Variants in RGS6 observed in about 807,000 individuals in gnomAD.
The protein encoded by RGS6 is regulator of G protein signaling 6.
In RGS6, 30 loss-of-function variants were observed where a neutral mutation model predicts 78.5. The observed-to-expected ratio is 0.38, with a 90% CI of 0.29 to 0.52. The LOEUF (loss-of-function observed/expected upper bound fraction) is 0.52, where lower values mean the gene tolerates loss of function less well. Ranked by LOEUF, RGS6 falls within the 20% of genes least tolerant of loss-of-function variation. The pLI, the probability that RGS6 is intolerant of heterozygous loss-of-function variation, is 0.85. For missense variants in RGS6, 495 were observed against 609.7 expected (o/e 0.81, Z 1.98); for synonymous variants, 206 against 206.0 (o/e 1.00, Z 0.00).
In RGS6 at chr14:71,987,835, A is replaced by G. The variant is rs182359782; in HGVS notation, c.84+22960A>G. On this transcript the variant is annotated intron_variant, in intron 2 of 17. Coordinates refer to ENST00000553525, the MANE Select transcript of RGS6 (RefSeq NM_001204424.2). Reference sequence around the variant, plus strand: ...CCATGCTTGAACTATATTTTAAAAAAATATTAATTATGATACTAAACAATA... The same window carrying G: ...CCATGCTTGAACTATATTTTAAAAAGATATTAATTATGATACTAAACAATA... Among the ~76,000 whole-genome samples the G allele has an allele frequency of 9.8e-5, 15 of 152,332 alleles. No homozygotes were observed. In the East Asian group the frequency reaches 2.9e-3, roughly 29 times the overall value.
At chr14:72,319,989 C>G (rs1490726758) in intron 2 of RGS6, among the ~76,000 whole-genome samples, 1 of 152,148 alleles carries the variant, frequency 6.6e-6, no homozygotes, top group Admixed American at 6.5e-5. Flanking sequence ...CAATACTACT[C>G]TGTATTATAG....
chr14:72,470,042 G>A lies in RGS6; in HGVS notation c.495G>A (p.Arg165=). 1.2e-6 allele frequency: 2 copies of A among 1,613,706 alleles called. No homozygotes were observed. Among genetic ancestry groups the A allele is most frequent in the Non-Finnish European group, 8.5e-7 (1 of 1,179,876 alleles). Residue 165 remains arginine (R), a synonymous_variant, in exon 8 of 18, where the codon AGG becomes AGA. Coordinates refer to ENST00000553525, the MANE Select transcript of RGS6 (RefSeq NM_001204424.2). ...CAAGACTCCAGAGGGCCTTTGCGAG[G>A]AAGTGGGAATTCATCTTTATGCAAG... is the stretch of plus-strand genomic sequence containing the variant. ...NLARLQRAFA[R]KWEFIFMQAE... is the part of the protein sequence containing the mutation.
At chr14:72,195,130 C>T (rs1205262387) in intron 2 of RGS6, among the ~76,000 whole-genome samples, 1 of 152,048 alleles carries the variant, frequency 6.6e-6, no homozygotes, top group Non-Finnish European at 1.5e-5. Context: ...ATCGCTTGAG[C>T]CCAGAAGTCA....
chr14:72,571,432 G>C (rs1276587022), downstream of RGS6, among the ~76,000 whole-genome samples: 1 of 152,180 alleles, frequency 6.6e-6, no homozygotes. Context: ...TCATGACAAG[G>C]CTACAGTAAT....
At chr14:71,990,976 ACTCTACG>A in intron 2 of RGS6, 1 of 378,716 alleles carries the variant, frequency 2.6e-6, no homozygotes, top group South Asian at 2.0e-5. Flanking sequence ...ATCACTCACC[ACTCTACG>A]CAATATGAAA....
At chr14:72,260,689 C>A (rs762769620) in intron 2 of RGS6, among the ~76,000 whole-genome samples, 38 of 152,322 alleles carry the variant, frequency 2.5e-4, no homozygotes, top group Non-Finnish European at 4.9e-4. Flanking sequence ...TGGCATCTCA[C>A]TTCCCACTTG....
intron 3 of RGS6, among the ~76,000 whole-genome samples, chr14:72,430,239 C>T (rs191411214): frequency 7.2e-5 from 11 of 152,338 alleles, no homozygotes; most frequent in African/African-American, 2.6e-4. Context: ...ATCCACTTCG[C>T]TCACACGTGA....
intron 2 of RGS6, among the ~76,000 whole-genome samples, chr14:72,088,911 G>A (rs978923000): frequency 1.3e-5 from 2 of 152,160 alleles, no homozygotes; most frequent in Non-Finnish European, 2.9e-5. Context: ...TGTCAAGAAC[G>A]TTCCTGCTCT....
At chr14:72,448,857 A>G (rs530400069) in intron 3 of RGS6, among the ~76,000 whole-genome samples, 2 of 152,218 alleles carry the variant, frequency 1.3e-5, no homozygotes, top group African/African-American at 4.8e-5. Context: ...CCTGGATTCC[A>G]TCAGTAGTAG....
In RGS6 at chr14:72,461,678, G is replaced by A. The variant is rs956304302; in HGVS notation, c.394+1995G>A. Among the ~76,000 whole-genome samples, 21 of 152,206 alleles carry A rather than the reference G, an allele frequency of 1.4e-4. No homozygotes were observed. In the East Asian group the frequency reaches 3.7e-3, roughly 27 times the overall value. Reference sequence around the variant, plus strand: ...CTGCCCTCCAGCCTGGGTGATAGAGGAAGACCCTGTCTCTAAAACAAAGAA... The same window carrying A: ...CTGCCCTCCAGCCTGGGTGATAGAGAAAGACCCTGTCTCTAAAACAAAGAA... On this transcript the variant is annotated intron_variant, in intron 6 of 17. Coordinates refer to ENST00000553525, the MANE Select transcript of RGS6 (RefSeq NM_001204424.2).
At chr14:72,246,287 G>A (rs1045527881) in intron 2 of RGS6, among the ~76,000 whole-genome samples, 1 of 152,148 alleles carries the variant, frequency 6.6e-6, no homozygotes, top group African/African-American at 2.4e-5. Context: ...ATACTACCTA[G>A]TCCTACGTTT....
intron 2 of RGS6, among the ~76,000 whole-genome samples, chr14:72,131,714 G>T (rs2096321654): frequency 6.6e-6 from 1 of 152,186 alleles, no homozygotes; most frequent in South Asian, 2.1e-4. Context: ...CAGTTTTGGT[G>T]AATTAAATTG....
the RGS6 span, among the ~76,000 whole-genome samples, chr14:72,609,013 A>C: frequency 2.6e-5 from 4 of 152,366 alleles, no homozygotes; most frequent in Non-Finnish European, 5.9e-5. Context: ...AACTATCCGT[A>C]GGGAAAATAA....
chr14:72,469,995 A>G lies in RGS6; in HGVS notation c.460-12A>G, dbSNP rs1349323301. The G allele has an allele frequency of 6.2e-7, 1 of 1,601,700 alleles. No individual in the cohort carries two copies. Among genetic ancestry groups the G allele is most frequent in the Non-Finnish European group, 8.6e-7 (1 of 1,169,338 alleles). Reference sequence around the variant, plus strand: ...GATTAATGCCGCCTTGTTGATTTTCATTTCTCATTAGGAAAACTTAGCAAG... The same window carrying G: ...GATTAATGCCGCCTTGTTGATTTTCGTTTCTCATTAGGAAAACTTAGCAAG... On this transcript the variant is annotated splice_polypyrimidine_tract_variant and intron_variant, in intron 7 of 17. Transcript: ENST00000553525.
chr14:72,410,133 C>T (rs1176532614), intron 3 of RGS6, among the ~76,000 whole-genome samples: 3 of 152,170 alleles, frequency 2.0e-5, no homozygotes, highest in East Asian at 1.9e-4. Context: ...CCTGAGGAAT[C>T]GCCACACCAA....
At position 72,562,872 on chromosome 14, in the gene RGS6, A is replaced by G; in HGVS notation, c.*405A>G. On this transcript the variant is annotated 3_prime_UTR_variant, in exon 18 of 18. Transcript: ENST00000553525. ...GGTCACACCTTCTGGCAAATTCAAG[A>G]GGCATGAGTGGACCGAGAGCACATC... 1.1e-6 allele frequency: 1 copy of G among 927,350 alleles called. No homozygotes were observed. The highest frequency in any genetic ancestry group is 1.7e-6 in the Non-Finnish European group (1 of 593,574). 57.4% of individuals were successfully genotyped at this position (927,350 alleles called of 1,614,324 possible).
At chr14:72,088,540 C>A (rs528572850) in intron 2 of RGS6, among the ~76,000 whole-genome samples, 126 of 152,276 alleles carry the variant, frequency 8.3e-4, no homozygotes, top group African/African-American at 2.8e-3. Flanking sequence ...TGACATCAAG[C>A]TACCATCATC....
chr14:71,888,284 C>T, the RGS6 span, among the ~76,000 whole-genome samples: 1 of 151,810 alleles, frequency 6.6e-6, no homozygotes, highest in Non-Finnish European at 1.5e-5. Flanking sequence ...AAAAATTAGC[C>T]AGGTGTGGTG....
intron 2 of RGS6, among the ~76,000 whole-genome samples, chr14:72,236,864 C>T (rs936854089): frequency 6.6e-6 from 1 of 151,830 alleles, no homozygotes; most frequent in African/African-American, 2.4e-5. Context: ...CGCTTCTCAC[C>T]TCCCAGATGG....
Sources: gnomAD v4.1 joint callset for allele counts (sites outside exome capture counted in the v4.1 genomes callset) on GRCh38, gnomAD v4.1.1 for gene constraint, MANE v1.5 for transcripts, NCBI Gene and HGNC (gene_info 2026-07-23, HGNC 2026-07-21) for gene names.